Variants in STX18 observed in about 807,000 individuals in gnomAD.
The protein encoded by STX18 is syntaxin-18.
In STX18, 40 loss-of-function variants were observed where a neutral mutation model predicts 50.1. The ratio of observed to expected loss-of-function variants is 0.80; its 90% CI spans 0.62 to 1.04. The LOEUF (loss-of-function observed/expected upper bound fraction) is 1.04. Ranked by LOEUF, STX18 falls within the 50% of genes least tolerant of loss-of-function variation. The pLI, the probability that STX18 is intolerant of heterozygous loss-of-function variation, is 0.00. For synonymous variants in STX18, 158 were observed against 151.8 expected (o/e 1.04, Z -0.30); for missense variants, 410 against 415.8 (o/e 0.99, Z 0.12).
intron 8 of STX18, among the ~76,000 whole-genome samples, chr4:4,424,288 G>T (rs1725126599): frequency 6.6e-6 from 1 of 152,180 alleles, no homozygotes; most frequent in Non-Finnish European, 1.5e-5. Flanking sequence ...GCACAAAGCA[G>T]CGACAGGAAG....
Position 4,420,783 on chromosome 4 carries a change from G to T in STX18, c.912+81C>A. 1 of 1,290,410 alleles carries T rather than the reference G, an allele frequency of 7.7e-7. No homozygotes were observed. 79.9% of individuals were successfully genotyped at this position (1,290,410 alleles called of 1,614,324 possible). ...CTCTGCCCAGCAAGGCTCCTGGGCA[G>T]CTGTGCCGGCGAGACTAACACCCGC... On this transcript the variant is annotated intron_variant, in intron 10 of 10. Coordinates refer to ENST00000306200, the MANE Select transcript of STX18 (RefSeq NM_016930.4). The surrounding 1 kb of genome is among the most constrained non-coding windows in gnomAD (Gnocchi z 4.3).
chr4:4,423,677 A>T, intron 8 of STX18, 90 bp from the exon 9 acceptor site: 2 of 1,307,798 alleles, frequency 1.5e-6, no homozygotes, highest in Non-Finnish European at 2.1e-6. Flanking sequence ...CCTATCTTCT[A>T]CGTGAAGGTG....
At chr4:4,430,143 A>C (rs926833306) in intron 7 of STX18, among the ~76,000 whole-genome samples, 96 of 152,368 alleles carry the variant, frequency 6.3e-4, no homozygotes, top group African/African-American at 2.3e-3. Context: ...TGCAAATCAT[A>C]TAATACCCTG....
chr4:4,439,821 A>T (rs1726014041), intron 5 of STX18, among the ~76,000 whole-genome samples: 1 of 151,924 alleles, frequency 6.6e-6, no homozygotes, highest in Non-Finnish European at 1.5e-5. Context: ...CTTCCTTCCC[A>T]TCTACAGGGC....
chr4:4,449,897 C>T (rs991128241), intron 5 of STX18, among the ~76,000 whole-genome samples: 3 of 152,348 alleles, frequency 2.0e-5, no homozygotes, highest in East Asian at 1.9e-4. Context: ...GGCCAGTAGA[C>T]ACCGCTTCAA....
chr4:4,434,685 G>C (rs1435583189), intron 7 of STX18, 85 bp downstream of exon 7: 1 of 1,065,804 alleles, frequency 9.4e-7, no homozygotes, highest in Non-Finnish European at 1.4e-6. Flanking sequence ...ATAAGGGCAA[G>C]GGCATTGAGG....
intron 3 of STX18, among the ~76,000 whole-genome samples, chr4:4,457,873 G>A (rs1219756284): frequency 6.6e-6 from 1 of 152,150 alleles, no homozygotes; most frequent in Non-Finnish European, 1.5e-5. Context: ...GCTTGAACCT[G>A]TGCTGCTTTT....
intron 1 of STX18, among the ~76,000 whole-genome samples, chr4:4,518,815 G>A (rs1298100284): frequency 1.3e-5 from 2 of 152,176 alleles, no homozygotes; most frequent in East Asian, 1.9e-4. Flanking sequence ...TTATACACAC[G>A]TGCACTTTAT....
chr4:4,530,202 G>T (rs989580946), intron 1 of STX18, among the ~76,000 whole-genome samples: 5 of 152,042 alleles, frequency 3.3e-5, no homozygotes, highest in African/African-American at 1.2e-4. Flanking sequence ...CTGGATGATA[G>T]AAGCAGAAAA....
At chr4:4,498,402 T>C (rs4689118) in intron 1 of STX18, among the ~76,000 whole-genome samples, 82,200 of 152,078 alleles carry the variant, frequency 0.54, 24,602 homozygotes, top group African/African-American at 0.82. Context: ...AGACTTACTA[T>C]ATCTTAAAAC....
intron 7 of STX18, among the ~76,000 whole-genome samples, chr4:4,431,952 G>C (rs1725539984): frequency 6.6e-6 from 1 of 152,204 alleles, no homozygotes; most frequent in South Asian, 2.1e-4. Context: ...CACCTCGAGG[G>C]CCTAGGTCCC....
intron 5 of STX18, among the ~76,000 whole-genome samples, chr4:4,440,310 T>C (rs951936187): frequency 9.2e-5 from 14 of 152,250 alleles, no homozygotes; most frequent in African/African-American, 3.4e-4. Context: ...TTTGTATGGA[T>C]AAATTTATTT....
intron 1 of STX18, among the ~76,000 whole-genome samples, chr4:4,505,183 G>C (rs762491242): frequency 1.3e-5 from 2 of 152,112 alleles, no homozygotes; most frequent in African/African-American, 4.8e-5. Flanking sequence ...TTACCGTGGG[G>C]TTATGTCCCA....
intron 5 of STX18, chr4:4,453,685 G>C (rs1726900342): frequency 2.0e-6 from 2 of 983,318 alleles, no homozygotes; most frequent in Admixed American, 6.2e-5. Flanking sequence ...TGGGTAGAAA[G>C]AAGATATTTT....
chr4:4,489,591 C>A (rs983650902), intron 1 of STX18, among the ~76,000 whole-genome samples: 1 of 151,478 alleles, frequency 6.6e-6, no homozygotes, highest in African/African-American at 2.4e-5. Flanking sequence ...AACTTTCTAA[C>A]ATCTTCTTTG....
At chr4:4,471,167 C>T (rs1727895379) in intron 2 of STX18, among the ~76,000 whole-genome samples, 1 of 151,974 alleles carries the variant, frequency 6.6e-6, no homozygotes, top group Non-Finnish European at 1.5e-5. Context: ...TGGGAATTGG[C>T]GAGGGAGGCA....
At chr4:4,422,599 A>AT (rs1725028065) in intron 9 of STX18, among the ~76,000 whole-genome samples, 1 of 151,650 alleles carries the variant, frequency 6.6e-6, no homozygotes. Flanking sequence ...AGAAAAAAAA[A>AT]GAAAAGAAAA....
intron 5 of STX18, among the ~76,000 whole-genome samples, chr4:4,444,215 T>C (rs1726268019): frequency 6.6e-6 from 1 of 152,240 alleles, no homozygotes; most frequent in Non-Finnish European, 1.5e-5. Context: ...GTAGTGGTTC[T>C]CCTGTCCAGC....
At chr4:4,432,369 GGCAT>G (rs1725560457) in intron 7 of STX18, among the ~76,000 whole-genome samples, 1 of 152,264 alleles carries the variant, frequency 6.6e-6, no homozygotes, top group Non-Finnish European at 1.5e-5. Context: ...CTGCCATGAT[GGCAT>G]GCATGCCACA....
Sources: gnomAD v4.1 joint callset for allele counts (sites outside exome capture counted in the v4.1 genomes callset) on GRCh38, gnomAD v4.1.1 for gene constraint, Gnocchi (gnomAD v3.1) non-coding constraint, MANE v1.5 for transcripts, NCBI Gene and HGNC (gene_info 2026-07-23, HGNC 2026-07-21) for gene names.